Variants in KCNK3 observed in about 807,000 individuals in gnomAD.
KCNK3 encodes potassium two pore domain channel subfamily K member 3, also known as potassium channel subfamily K member 3.
Under a neutral mutation model 27.3 loss-of-function variants are expected in KCNK3, and 9 were observed. The ratio of observed to expected loss-of-function variants is 0.33; its 90% confidence interval spans 0.20 to 0.57. The LOEUF is 0.57. KCNK3 is among the 20% of genes least tolerant of loss of function. The pLI is 0.87. For synonymous variants in KCNK3, 278 were observed against 273.8 expected (o/e 1.02, Z -0.15); for missense variants, 391 against 577.7 (o/e 0.68, Z 3.31).
At chr2:26,702,136 G>C (rs1355349857) in intron 1 of KCNK3, among the ~76,000 whole-genome samples, 3 of 152,100 alleles carry the variant, frequency 2.0e-5, no homozygotes, top group African/African-American at 7.2e-5. Flanking sequence ...GTAGGCCCCA[G>C]TGTGTGTGGA....
intron 1 of KCNK3, among the ~76,000 whole-genome samples, chr2:26,708,227 G>C (rs1447704835): frequency 6.6e-6 from 1 of 152,176 alleles, no homozygotes; most frequent in African/African-American, 2.4e-5. Flanking sequence ...TTCTGGGCAG[G>C]GGAAGAGCAG....
chr2:26,705,543 C>A (rs1670361835), intron 1 of KCNK3, among the ~76,000 whole-genome samples: 1 of 152,156 alleles, frequency 6.6e-6, no homozygotes, highest in Non-Finnish European at 1.5e-5. Context: ...ACCTTAACAC[C>A]TAGCTTCTCC....
intron 1 of KCNK3, among the ~76,000 whole-genome samples, chr2:26,700,745 TCAC>T (rs1558595629): frequency 6.6e-5 from 10 of 151,034 alleles, no homozygotes; most frequent in Non-Finnish European, 1.3e-4. Flanking sequence ...ATCATCATCA[TCAC>T]CATCATCATC....
At chr2:26,703,041 G>A (rs1176714784) in intron 1 of KCNK3, among the ~76,000 whole-genome samples, 1 of 152,100 alleles carries the variant, frequency 6.6e-6, no homozygotes, top group Non-Finnish European at 1.5e-5. Flanking sequence ...GCTTGAACCT[G>A]GGAGGCGGAG....
chr2:26,700,631 A>C lies in KCNK3; in HGVS notation c.283+7473A>C, dbSNP rs917634527. On this transcript the variant is annotated intron_variant, in intron 1 of 1. Coordinates refer to ENST00000302909, the MANE Select transcript of KCNK3 (RefSeq NM_002246.3). ...TTAGTGAAGGGGCCATGTGGCTGCC[A>C]GGAATGTGGGGCAGGAGGCTGGCCT... is the stretch of plus-strand genomic sequence containing the variant. Among the ~76,000 whole-genome samples the C allele has an allele frequency of 1.6e-4, 25 of 152,348 alleles. No individual in the cohort carries two copies. The East Asian group carries it at 1.7e-3, about 11-fold the overall frequency.
chr2:26,697,022 C>A (rs984783842), intron 1 of KCNK3, among the ~76,000 whole-genome samples: 8 of 152,150 alleles, frequency 5.3e-5, no homozygotes, highest in Non-Finnish European at 7.4e-5. Context: ...TTATTTAATT[C>A]TCTCACCAAC....
intron 1 of KCNK3, among the ~76,000 whole-genome samples, chr2:26,727,438 T>C (rs761996511): frequency 2.0e-5 from 3 of 152,152 alleles, no homozygotes; most frequent in Non-Finnish European, 4.4e-5. Flanking sequence ...TTGGAAGTCA[T>C]CCCTCCTTAT....
rs151228365 is a variant in KCNK3 at position 26,727,806 on chromosome 2, C to G, written c.423C>G (p.His141Gln). The G allele has an allele frequency of 1.9e-6, 3 of 1,611,298 alleles. No homozygotes were observed. In the South Asian group the frequency reaches 3.3e-5, roughly 18 times the overall value. ...RINTLVRYLL[H>Q]RAKKGLGMRR... Reference sequence around the variant, plus strand: ...ACACCTTGGTGAGGTACCTGCTGCACCGCGCCAAGAAGGGGCTGGGCATGC... The same window carrying G: ...ACACCTTGGTGAGGTACCTGCTGCAGCGCGCCAAGAAGGGGCTGGGCATGC... The change falls in exon 2 of 2, where the codon CAC becomes CAG. Residue 141 changes from histidine to glutamine, a missense_variant. Physicochemically the swap from His to Gln is conservative, Grantham distance 24 (BLOSUM62 0). Around this residue, in one of 4 missense-constraint regions of KCNK3, gnomAD observed 158 missense variants for 267.7 expected, o/e 0.59. Coordinates refer to ENST00000302909, the MANE Select transcript of KCNK3 (RefSeq NM_002246.3).
intron 1 of KCNK3, among the ~76,000 whole-genome samples, chr2:26,699,250 A>AAAGAAAGCAAGCAAGCAAGC (rs35378015): frequency 8.4e-5 from 12 of 142,772 alleles, no homozygotes; most frequent in African/African-American, 3.5e-4. Flanking sequence ...AGAAAGAAAG[A>AAAGAAAGCAAGCAAGCAAGC]AAGCCAGCCA....
At chr2:26,703,682 A>G (rs1385088834) in intron 1 of KCNK3, among the ~76,000 whole-genome samples, 1 of 152,178 alleles carries the variant, frequency 6.6e-6, no homozygotes, top group Non-Finnish European at 1.5e-5. Context: ...AGAATGAAAA[A>G]CTAAGACCTA....
chr2:26,707,935 C>T (rs1044425784), intron 1 of KCNK3, among the ~76,000 whole-genome samples: 1 of 152,156 alleles, frequency 6.6e-6, no homozygotes, highest in African/African-American at 2.4e-5. Flanking sequence ...CAGGCACCCA[C>T]GCAGTCATTC....
intron 1 of KCNK3, among the ~76,000 whole-genome samples, chr2:26,723,962 C>T (rs1663367789): frequency 6.6e-6 from 1 of 152,218 alleles, no homozygotes; most frequent in Admixed American, 6.5e-5. Flanking sequence ...GACTCGAAGG[C>T]CTGGACAGAG....
intron 1 of KCNK3, among the ~76,000 whole-genome samples, chr2:26,694,384 C>T (rs991660059): frequency 2.0e-5 from 3 of 152,190 alleles, no homozygotes; most frequent in African/African-American, 4.8e-5. Flanking sequence ...GGGTTCGTTG[C>T]CACTTAGCGC....
intron 1 of KCNK3, among the ~76,000 whole-genome samples, chr2:26,700,292 C>T (rs773153945): frequency 3.3e-5 from 5 of 152,232 alleles, no homozygotes; most frequent in South Asian, 2.1e-4. Flanking sequence ...AGCAGTCAAC[C>T]GCCCAGCTGA....
chr2:26,712,102 G>A (rs1414517180), intron 1 of KCNK3, among the ~76,000 whole-genome samples: 6 of 152,204 alleles, frequency 3.9e-5, no homozygotes, highest in Admixed American at 2.0e-4. Flanking sequence ...TGTGAACAGT[G>A]GGTGCAGAGA....
chr2:26,700,327 C>CATT (rs770636579), intron 1 of KCNK3, among the ~76,000 whole-genome samples: 1 of 152,250 alleles, frequency 6.6e-6, no homozygotes, highest in Non-Finnish European at 1.5e-5. Context: ...TGTCTGTCCA[C>CATT]ATTCTCTCAT....
intron 1 of KCNK3, chr2:26,724,494 T>C: frequency 3.1e-6 from 2 of 645,274 alleles, no homozygotes; most frequent in Non-Finnish European, 3.9e-6. Flanking sequence ...AACTGTAATA[T>C]GAAGATAATC....
chr2:26,723,040 G>A (rs1307857241), intron 1 of KCNK3, among the ~76,000 whole-genome samples: 2 of 152,070 alleles, frequency 1.3e-5, no homozygotes, highest in Admixed American at 6.5e-5. Context: ...CTCTGCCCAA[G>A]GCTGTGGCCA....
intron 1 of KCNK3, among the ~76,000 whole-genome samples, chr2:26,702,771 C>G (rs983886092): frequency 1.3e-5 from 2 of 152,028 alleles, no homozygotes; most frequent in Admixed American, 1.3e-4. Context: ...GGTGTATAGG[C>G]TGGTAGGGGC....
Sources: allele counts gnomAD v4.1 joint callset (sites outside exome capture counted in the v4.1 genomes callset), GRCh38; gene constraint gnomAD v4.1.1; regional missense constraint gnomAD v4.1.1; transcripts MANE v1.5; gene names NCBI Gene and HGNC (gene_info 2026-07-23, HGNC 2026-07-21).